KLHL13: variants seen among roughly 807,000 people sequenced by gnomAD.
The protein encoded by KLHL13 is kelch like family member 13.
A neutral mutation model predicts 37.1 loss-of-function variants in KLHL13; 10 were observed. The ratio of observed to expected loss-of-function variants is 0.27; its 90% CI spans 0.17 to 0.46. The LOEUF (loss-of-function observed/expected upper bound fraction) is 0.46, where lower values mean the gene tolerates loss of function less well. Among genes scored for constraint, KLHL13 ranks in the 20% least tolerant of loss-of-function variants. KLHL13 has a pLI of 1.00. For missense variants in KLHL13, 360 were observed against 509.3 expected (o/e 0.71, Z 2.82); for synonymous variants, 163 against 181.2 (o/e 0.90, Z 0.81).
intron 1 of KLHL13, among the ~76,000 whole-genome samples, chrX:118,055,876 C>T (rs1233109921): frequency 1.8e-5 from 2 of 112,158 alleles, no homozygotes; most frequent in Non-Finnish European, 3.8e-5. Flanking sequence ...TGTCTGCTCT[C>T]ACTACCTCTA....
chrX:117,986,319 A>T (rs2053726168), intron 1 of KLHL13, among the ~76,000 whole-genome samples: 1 of 111,879 alleles, frequency 8.9e-6, no homozygotes, highest in South Asian at 3.8e-4. Context: ...AACATGTTGC[A>T]GGGATCAGCA....
chrX:118,047,836 T>G (rs1379284400), intron 1 of KLHL13, among the ~76,000 whole-genome samples: 1 of 111,714 alleles, frequency 9.0e-6, no homozygotes, highest in African/African-American at 3.2e-5. Flanking sequence ...ACAAAAAGGA[T>G]CTGGTAAAAA....
intron 1 of KLHL13, among the ~76,000 whole-genome samples, chrX:118,061,617 G>C (rs889844534): frequency 9.0e-6 from 1 of 111,641 alleles, no homozygotes; most frequent in Non-Finnish European, 1.9e-5. Flanking sequence ...CTACATACTA[G>C]AGCATTTCTA....
exon 1 of KLHL13, chrX:117,972,989 T>C (rs182375569): frequency 4.3e-5 from 46 of 1,069,531 alleles, no homozygotes; most frequent in Admixed American, 8.1e-5. Context: ...ATCTGTAAAA[T>C]AGGGCTGTAA....
chrX:117,973,297 A>T, exon 1 of KLHL13: 1 of 956,648 alleles, frequency 1.0e-6, no homozygotes, highest in Non-Finnish European at 1.3e-6. Flanking sequence ...ATGAAAATGA[A>T]ACAACAACAT....
chrX:118,006,337 C>T lies in KLHL13; in HGVS notation c.-55-60762G>A, dbSNP rs190220090. 1.1e-3 allele frequency among the ~76,000 whole-genome samples: 121 copies of T among 109,801 alleles called. 1 individual carries two copies. The highest frequency in any genetic ancestry group is 3.9e-3 in the African/African-American group (117 of 30,235). ...TATTTTGCATTAAATATGTGAAATG[C>T]AGATTTCTGAGGCAAAAATAACTCT... On this transcript the variant is annotated intron_variant, in intron 1 of 6. Coordinates refer to the KLHL13 transcript ENST00000371882.
chrX:118,002,249 T>C (rs922620067), intron 1 of KLHL13, among the ~76,000 whole-genome samples: 2 of 111,138 alleles, frequency 1.8e-5, no homozygotes, highest in Non-Finnish European at 3.8e-5. Flanking sequence ...GGAGAGATGA[T>C]TTAAAAATTG....
intron 4 of KLHL13, among the ~76,000 whole-genome samples, chrX:117,917,188 A>G (rs1931419960): frequency 8.9e-6 from 1 of 111,959 alleles, no homozygotes; most frequent in African/African-American, 3.2e-5. Context: ...GGATTCTGAG[A>G]GGGAAGAGAT....
intron 1 of KLHL13, among the ~76,000 whole-genome samples, chrX:118,060,617 TA>T (rs1162979153): frequency 3.6e-5 from 4 of 110,527 alleles, no homozygotes; most frequent in Admixed American, 2.9e-4. Context: ...TTTTACAGAT[TA>T]AAAAAAACAG....
At chrX:117,974,567 T>C, upstream of KLHL13, among the ~76,000 whole-genome samples, 1 of 111,960 alleles carries the variant, frequency 8.9e-6, no homozygotes. Context: ...TTTTCAAAAA[T>C]TCCAAAATAC....
intron 1 of KLHL13, among the ~76,000 whole-genome samples, chrX:117,959,260 G>A (rs185536397): frequency 8.9e-6 from 1 of 112,156 alleles, no homozygotes; most frequent in East Asian, 2.8e-4. Flanking sequence ...ACCCTCTGTA[G>A]GAAAGTGATC....
chrX:118,051,992 C>T, intron 1 of KLHL13, among the ~76,000 whole-genome samples: 1 of 111,006 alleles, frequency 9.0e-6, no homozygotes, highest in Non-Finnish European at 1.9e-5. Flanking sequence ...CAGTGTGGTA[C>T]TAGTGTGGGA....
At chrX:118,040,278 C>T (rs180966064) in intron 1 of KLHL13, among the ~76,000 whole-genome samples, 1 of 111,711 alleles carries the variant, frequency 9.0e-6, no homozygotes, top group African/African-American at 3.3e-5. Context: ...GTACCAGAGA[C>T]CAGTCTTAGA....
chrX:117,918,002 A>T (rs1351292653), intron 4 of KLHL13, among the ~76,000 whole-genome samples: 6 of 111,988 alleles, frequency 5.4e-5, no homozygotes, highest in Non-Finnish European at 5.6e-5. Context: ...TGACACAACC[A>T]GAGGTGAGAT....
At chrX:117,932,527 A>T (rs901231709) in intron 2 of KLHL13, among the ~76,000 whole-genome samples, 1 of 112,228 alleles carries the variant, frequency 8.9e-6, no homozygotes, top group Non-Finnish European at 1.9e-5. Flanking sequence ...ATTCTACTTT[A>T]TTCCTTAATG....
intron 1 of KLHL13, chrX:117,946,850 T>G (rs1933347384): frequency 8.9e-6 from 1 of 112,214 alleles, no homozygotes; most frequent in Non-Finnish European, 1.9e-5. Context: ...AAGATTCTGC[T>G]TTTTGAATTA....
intron 1 of KLHL13, among the ~76,000 whole-genome samples, chrX:117,989,672 T>G (rs918649046): frequency 1.8e-5 from 2 of 111,027 alleles, no homozygotes; most frequent in African/African-American, 6.5e-5. Context: ...GGCATACATT[T>G]CAAATATGTC....
intron 2 of KLHL13, among the ~76,000 whole-genome samples, chrX:117,931,114 C>G (rs1932428967): frequency 9.0e-6 from 1 of 111,705 alleles, no homozygotes; most frequent in Non-Finnish European, 1.9e-5. Flanking sequence ...TAACCCATTT[C>G]TTTAACATTC....
intron 1 of KLHL13, among the ~76,000 whole-genome samples, chrX:118,020,087 A>G (rs1465450377): frequency 2.7e-5 from 3 of 110,640 alleles, no homozygotes; most frequent in Admixed American, 9.7e-5. Context: ...CTTGGGCAGT[A>G]TGGTCATTTT....
Sources: gnomAD v4.1 joint callset for allele counts (sites outside exome capture counted in the v4.1 genomes callset) on GRCh38, gnomAD v4.1.1 for gene constraint, MANE v1.5 for transcripts, NCBI Gene and HGNC (gene_info 2026-07-23, HGNC 2026-07-21) for gene names.